Variants in PNPT1 observed in about 807,000 individuals in gnomAD.
PNPT1 encodes the protein polyribonucleotide nucleotidyltransferase 1, mitochondrial.
Under a neutral mutation model 119.5 loss-of-function variants are expected in PNPT1, and 53 were observed. That is an observed-to-expected ratio of 0.44 (90% CI 0.36 to 0.56). The LOEUF (loss-of-function observed/expected upper bound fraction) is 0.56. Among genes scored for constraint, PNPT1 ranks in the 20% least tolerant of loss-of-function variants. The pLI, the probability that PNPT1 is intolerant of heterozygous loss-of-function variation, is 0.00. For synonymous variants in PNPT1, 357 were observed against 322.1 expected (o/e 1.11, Z -1.16); for missense variants, 948 against 938.5 (o/e 1.01, Z -0.13).
At position 55,635,124 on chromosome 2, in the gene PNPT1, G is replaced by A. The variant is rs952951672; in HGVS notation, c.*1113C>T. On this transcript the variant is annotated 3_prime_UTR_variant, in exon 28 of 28. Coordinates refer to ENST00000447944, the MANE Select transcript of PNPT1 (RefSeq NM_033109.5). ...ACGTCCACATACCATTTACTTTTCT[G>A]TGGAATTATAAGGTGATATTTTAAA... The A allele has an allele frequency of 7.9e-5, 12 of 152,204 alleles. No homozygotes were observed. Among genetic ancestry groups the A allele is most frequent in the Non-Finnish European group, 1.2e-4 (8 of 68,016 alleles). The allele number at this position is 152,204 out of a possible 1,614,324, so 9.4% of individuals were successfully genotyped here. A position where few individuals can be genotyped will look rare whatever the true frequency, so the allele number is the denominator to read the frequency against.
At chr2:55,665,608 G>A (rs1696708082) in intron 13 of PNPT1, among the ~76,000 whole-genome samples, 1 of 152,212 alleles carries the variant, frequency 6.6e-6, no homozygotes, top group Admixed American at 6.5e-5. Context: ...GGGCAAACCT[G>A]AGGCAAGGCC....
intron 5 of PNPT1, 45 bp from the exon 6 acceptor site, chr2:55,680,963 G>T (rs1303781762): frequency 1.3e-6 from 2 of 1,487,922 alleles, no homozygotes; most frequent in Admixed American, 1.7e-5. Flanking sequence ...TATCATTTAG[G>T]TTAACATCCT....
At chr2:55,659,504 C>T (rs890560997) in intron 15 of PNPT1, among the ~76,000 whole-genome samples, 2 of 149,334 alleles carry the variant, frequency 1.3e-5, no homozygotes, top group African/African-American at 2.5e-5. Flanking sequence ...GTTTGACAGA[C>T]GTGTATACAG....
At chr2:55,651,531 A>C (rs1398621873) in intron 18 of PNPT1, among the ~76,000 whole-genome samples, 1 of 152,110 alleles carries the variant, frequency 6.6e-6, no homozygotes, top group Non-Finnish European at 1.5e-5. Flanking sequence ...TGAATAGATT[A>C]AGGGCGGTGC....
Position 55,636,140 on chromosome 2 carries a change from T to C in PNPT1, c.*97A>G, listed in dbSNP as rs570069191. On this transcript the variant is annotated 3_prime_UTR_variant, in exon 28 of 28. Coordinates refer to ENST00000447944, the MANE Select transcript of PNPT1 (RefSeq NM_033109.5). Reference sequence around the variant, plus strand: ...ATAATTAAAATGTATTTATATTATATAGAAATCTACACAATGGAAGATACT... The same window carrying C: ...ATAATTAAAATGTATTTATATTATACAGAAATCTACACAATGGAAGATACT... 15 of 812,488 alleles carry C rather than the reference T, an allele frequency of 1.8e-5. No individual in the cohort carries two copies. Among genetic ancestry groups the C allele is most frequent in the African/African-American group, 1.7e-4 (10 of 57,858 alleles). 50.3% of individuals were successfully genotyped at this position (812,488 alleles called of 1,614,324 possible).
chr2:55,686,562 C>T (rs1042201474), intron 2 of PNPT1, 118 bp from the exon 3 acceptor site: 1 of 689,384 alleles, frequency 1.5e-6, no homozygotes, highest in Admixed American at 3.2e-5. Flanking sequence ...AATTCTACGA[C>T]ACGATTATGA....
intron 25 of PNPT1, among the ~76,000 whole-genome samples, 165 bp from the exon 26 acceptor site, chr2:55,640,870 C>G (rs1194572787): frequency 6.6e-6 from 1 of 151,722 alleles, no homozygotes; most frequent in African/African-American, 2.4e-5. Context: ...GAAAATATAC[C>G]CTATAAATAA....
At chr2:55,686,980 T>C (rs910965537) in intron 2 of PNPT1, among the ~76,000 whole-genome samples, 1 of 151,848 alleles carries the variant, frequency 6.6e-6, no homozygotes, top group Admixed American at 6.6e-5. Context: ...TTTGGGAGGC[T>C]GAGGCAGGCG....
At chr2:55,670,777 T>C (rs942292173) in intron 11 of PNPT1, among the ~76,000 whole-genome samples, 9 of 152,170 alleles carry the variant, frequency 5.9e-5, no homozygotes, top group Admixed American at 5.9e-4. Context: ...TGGTAGGAGT[T>C]TGATTCAGAA....
rs1000974430 is a variant in PNPT1 at position 55,638,099 on chromosome 2, C to T, written c.2149-500G>A. Among the ~76,000 whole-genome samples the T allele has an allele frequency of 6.6e-5, 10 of 150,916 alleles. No homozygotes were observed. In the South Asian group the frequency reaches 2.1e-3, roughly 32 times the overall value. ...GGCAGATCACTTGAGCTCCGGAGTT[C>T]GAAACCAGTCTGACCAACATGGTGA... On this transcript the variant is annotated intron_variant, in intron 26 of 27. Transcript: ENST00000447944.
chr2:55,679,416 T>C (rs1697178279), intron 8 of PNPT1, among the ~76,000 whole-genome samples: 1 of 152,176 alleles, frequency 6.6e-6, no homozygotes, highest in Non-Finnish European at 1.5e-5. Flanking sequence ...TTAGTCATAA[T>C]TTTAATAATT....
chr2:55,679,502 A>G (rs966076410), intron 8 of PNPT1, among the ~76,000 whole-genome samples, 180 bp downstream of exon 8: 4 of 152,204 alleles, frequency 2.6e-5, no homozygotes, highest in Non-Finnish European at 4.4e-5. Flanking sequence ...ATTGAATAAA[A>G]TCCTGTAATT....
At chr2:55,680,786 G>A (rs374120183) in intron 6 of PNPT1, 27 bp from the exon 7 acceptor site, 255 of 1,612,724 alleles carry the variant, frequency 1.6e-4, no homozygotes, top group Middle Eastern at 8.3e-4. Flanking sequence ...AATCAGGGCC[G>A]AAATTAAAAT....
At chr2:55,660,299 TTAATGAAAAA>T in intron 14 of PNPT1, 106 bp from the exon 15 acceptor site, 1 of 1,191,014 alleles carries the variant, frequency 8.4e-7, no homozygotes, top group East Asian at 2.8e-5. Flanking sequence ...GAACTAGGTG[TTAATGAAAAA>T]TCAGACTGAA....
chr2:55,676,092 C>T (rs984298565), intron 8 of PNPT1, among the ~76,000 whole-genome samples: 1 of 151,600 alleles, frequency 6.6e-6, no homozygotes, highest in Non-Finnish European at 1.5e-5. Context: ...GAAACCCCAT[C>T]TCTACTAAAA....
At chr2:55,675,621 C>G (rs1697042562) in intron 8 of PNPT1, among the ~76,000 whole-genome samples, 1 of 152,036 alleles carries the variant, frequency 6.6e-6, no homozygotes, top group African/African-American at 2.4e-5. Context: ...TCGTTTGAAC[C>G]CCACAGTTTG....
intron 3 of PNPT1, among the ~76,000 whole-genome samples, 177 bp from the exon 4 acceptor site, chr2:55,685,225 C>T (rs1697364234): frequency 6.6e-6 from 1 of 152,134 alleles, no homozygotes; most frequent in African/African-American, 2.4e-5. Flanking sequence ...AATGTTTCTG[C>T]AAAGTGATTT....
intron 8 of PNPT1, 49 bp downstream of exon 8, chr2:55,679,633 G>T: frequency 1.5e-6 from 2 of 1,342,876 alleles, no homozygotes; most frequent in South Asian, 2.4e-5. Context: ...TAAGAAGCCA[G>T]AACTTGTAAG....
chr2:55,688,355 G>C (rs59995349), intron 1 of PNPT1, among the ~76,000 whole-genome samples: 2 of 152,132 alleles, frequency 1.3e-5, no homozygotes, highest in South Asian at 4.1e-4. Flanking sequence ...TACCATCTTA[G>C]TACAGTCTCT....
Sources: allele counts gnomAD v4.1 joint callset (sites outside exome capture counted in the v4.1 genomes callset), GRCh38; gene constraint gnomAD v4.1.1; transcripts MANE v1.5; gene names NCBI Gene and HGNC (gene_info 2026-07-23, HGNC 2026-07-21).